Variants in PIAS2 observed in about 807,000 individuals in gnomAD.
PIAS2 encodes the protein protein inhibitor of activated STAT 2.
In PIAS2, 19 loss-of-function variants were observed where a neutral mutation model predicts 69.7. The observed-to-expected ratio is 0.27, with a 90% CI of 0.19 to 0.40. The LOEUF (loss-of-function observed/expected upper bound fraction) is 0.40. PIAS2 is among the 10% of genes least tolerant of loss of function. PIAS2 has a pLI of 1.00. For synonymous variants in PIAS2, 261 were observed against 263.2 expected (o/e 0.99, Z 0.08); for missense variants, 624 against 757.0 (o/e 0.82, Z 2.06).
At chr18:46,831,698 A>G (rs2043648498) in intron 9 of PIAS2, among the ~76,000 whole-genome samples, 1 of 152,250 alleles carries the variant, frequency 6.6e-6, no homozygotes, top group Non-Finnish European at 1.5e-5. Flanking sequence ...AAGCAATTCA[A>G]TGAGGAAAAA....
chr18:46,874,383 G>C (rs1306339596), intron 2 of PIAS2, among the ~76,000 whole-genome samples: 1 of 152,130 alleles, frequency 6.6e-6, no homozygotes, highest in Non-Finnish European at 1.5e-5. Context: ...ACCTAGGTTT[G>C]GATCACTAGA....
At chr18:46,885,143 A>G (rs1282114349) in intron 2 of PIAS2, among the ~76,000 whole-genome samples, 1 of 152,172 alleles carries the variant, frequency 6.6e-6, no homozygotes, top group East Asian at 1.9e-4. Context: ...CAAGTGATAA[A>G]AAAAATTTTA....
At position 46,917,491 on chromosome 18, in the gene PIAS2, A is replaced by C. The variant is rs967402105; in HGVS notation, c.-146T>G. On this transcript the variant is annotated 5_prime_UTR_variant, in exon 1 of 14. Coordinates refer to ENST00000585916, the MANE Select transcript of PIAS2 (RefSeq NM_004671.5). ...AAGACGCCGCGGCCGCCGCCGCTAC[A>C]GCCGGGCCCGTCACGTGAACGGCGC... is the stretch of plus-strand genomic sequence containing the variant. 8.4e-7 allele frequency: 1 copy of C among 1,195,670 alleles called. No individual in the cohort carries two copies. Among genetic ancestry groups the C allele is most frequent in the East Asian group, 3.8e-5 (1 of 26,544 alleles). 74.1% of individuals were successfully genotyped at this position (1,195,670 alleles called of 1,614,324 possible).
intron 12 of PIAS2, chr18:46,817,465 T>A: frequency 2.1e-6 from 2 of 957,840 alleles, no homozygotes; most frequent in South Asian, 9.6e-5. Context: ...ATCCTATTTT[T>A]GTTATTTCAA....
intron 9 of PIAS2, among the ~76,000 whole-genome samples, chr18:46,830,212 G>A (rs2043399115): frequency 1.3e-5 from 2 of 151,972 alleles, no homozygotes; most frequent in South Asian, 4.2e-4. Flanking sequence ...AGCAGATAAA[G>A]GTTACTATAT....
chr18:46,840,223 A>C (rs1048635321), intron 8 of PIAS2, among the ~76,000 whole-genome samples: 2 of 152,180 alleles, frequency 1.3e-5, no homozygotes, highest in African/African-American at 4.8e-5. Flanking sequence ...TGTGGGCTAT[A>C]GTTATCAATA....
At chr18:46,855,676 C>T in intron 3 of PIAS2, 61 bp from the exon 4 acceptor site, 1 of 1,261,374 alleles carries the variant, frequency 7.9e-7, no homozygotes, top group South Asian at 1.2e-5. Flanking sequence ...AGAACAGTCT[C>T]CCCAGGAGGA....
At chr18:46,828,229 A>G (rs1650174539) in intron 10 of PIAS2, 99 bp from the exon 11 acceptor site, 3 of 1,065,266 alleles carry the variant, frequency 2.8e-6, no homozygotes, top group South Asian at 2.2e-5. Context: ...TGTTCCTGAC[A>G]ACATATAGCC....
chr18:46,917,414 C>T lies in PIAS2; in HGVS notation c.-69G>A. 7.2e-7 allele frequency: 1 copy of T among 1,386,218 alleles called. No homozygotes were observed. The allele number at this position is 1,386,218 out of a possible 1,614,324, so 85.9% of individuals were successfully genotyped here. On this transcript the variant is annotated 5_prime_UTR_variant, in exon 1 of 14. Transcript: ENST00000585916. ...CTCCCGCTGCCGCCAACGACGCTGC[C>T]GCCACCACGGCCGCCGCCGCCTCCA...
intron 8 of PIAS2, among the ~76,000 whole-genome samples, chr18:46,839,248 A>G (rs1433525301): frequency 6.7e-6 from 1 of 148,160 alleles, no homozygotes; most frequent in Non-Finnish European, 1.5e-5. Context: ...AAATAAGACC[A>G]ATCTACACAT....
intron 2 of PIAS2, among the ~76,000 whole-genome samples, chr18:46,874,518 A>C (rs1417736233): frequency 2.0e-5 from 3 of 152,194 alleles, no homozygotes; most frequent in Non-Finnish European, 4.4e-5. Flanking sequence ...GAGTAGAAAG[A>C]ATGAACTAAA....
chr18:46,807,898 A>G lies in PIAS2; in HGVS notation c.*4535T>C, dbSNP rs567274480. 2.6e-5 allele frequency: 4 copies of G among 152,266 alleles called. No homozygotes were observed. The East Asian group carries it at 7.7e-4, about 29-fold the overall frequency. 9.4% of individuals were successfully genotyped at this position (152,266 alleles called of 1,614,324 possible). On this transcript the variant is annotated 3_prime_UTR_variant, in exon 14 of 14. Coordinates refer to ENST00000585916, the MANE Select transcript of PIAS2 (RefSeq NM_004671.5). ...ATCTAGCTGCAGTATAAATTAACAT[A>G]CCCATGTGGAAAAGTGGTATGAATC... is the stretch of plus-strand genomic sequence containing the variant.
At chr18:46,847,160 T>C (rs2046273364) in intron 5 of PIAS2, among the ~76,000 whole-genome samples, 1 of 152,140 alleles carries the variant, frequency 6.6e-6, no homozygotes, top group Non-Finnish European at 1.5e-5. Context: ...ACAGATAAAG[T>C]CACAACTTTT....
At chr18:46,915,430 A>G (rs2057709574) in intron 1 of PIAS2, 1 of 152,200 alleles carries the variant, frequency 6.6e-6, no homozygotes, top group African/African-American at 2.4e-5. Context: ...TGCTTACTGC[A>G]TGTGCCCAGC....
At chr18:46,865,463 C>G (rs939908430) in intron 2 of PIAS2, among the ~76,000 whole-genome samples, 10 of 150,604 alleles carry the variant, frequency 6.6e-5, no homozygotes, top group Non-Finnish European at 2.9e-5. Context: ...TCGCTTGAAC[C>G]TGGGAGGTGG....
chr18:46,860,044 A>C (rs888101510), intron 3 of PIAS2, among the ~76,000 whole-genome samples: 1 of 152,206 alleles, frequency 6.6e-6, no homozygotes, highest in African/African-American at 2.4e-5. Flanking sequence ...GAACAAAAAA[A>C]CCTGGACAAG....
At chr18:46,872,706 G>A (rs2145735884) in intron 2 of PIAS2, among the ~76,000 whole-genome samples, 1 of 152,324 alleles carries the variant, frequency 6.6e-6, no homozygotes, top group East Asian at 1.9e-4. Context: ...CGGGTCAAAG[G>A]AATCGTGTCC....
At chr18:46,876,561 A>G (rs1482967423) in intron 2 of PIAS2, among the ~76,000 whole-genome samples, 1 of 152,224 alleles carries the variant, frequency 6.6e-6, no homozygotes. Flanking sequence ...TTGTGTCATC[A>G]TTGGAACTCA....
chr18:46,892,652 T>C (rs979270963), intron 1 of PIAS2, among the ~76,000 whole-genome samples: 1 of 152,016 alleles, frequency 6.6e-6, no homozygotes, highest in Non-Finnish European at 1.5e-5. Flanking sequence ...TGTGTGCCTG[T>C]GGTCCAAGCC....
Sources: allele counts gnomAD v4.1 joint callset (sites outside exome capture counted in the v4.1 genomes callset), GRCh38; gene constraint gnomAD v4.1.1; transcripts MANE v1.5; gene names NCBI Gene and HGNC (gene_info 2026-07-23, HGNC 2026-07-21).